The following ZFHX3 variants were observed in gnomAD, a reference collection of about 807,000 sequenced individuals.
ZFHX3 encodes zinc finger homeobox protein 3.
A neutral mutation model predicts 279.1 loss-of-function variants in ZFHX3; 42 were observed. That is an observed-to-expected ratio of 0.15 (90% CI 0.12 to 0.19). ZFHX3 has a LOEUF of 0.19. ZFHX3 is among the 10% of genes least tolerant of loss of function. The pLI, the probability that ZFHX3 is intolerant of heterozygous loss-of-function variation, is 1.00. For synonymous variants in ZFHX3, 2,293 were observed against 1,957.8 expected (o/e 1.17, Z -4.52); for missense variants, 4,981 against 4,754.0 (o/e 1.05, Z -1.40).
At chr16:73,549,162 A>G (rs929030019) in intron 2 of ZFHX3, among the ~76,000 whole-genome samples, 2 of 152,200 alleles carry the variant, frequency 1.3e-5, no homozygotes, top group African/African-American at 4.8e-5. Context: ...GGATCGTCTC[A>G]ATCTAATAGA....
intron 4 of ZFHX3, among the ~76,000 whole-genome samples, chr16:72,832,917 A>G (rs2143738754): frequency 6.6e-6 from 1 of 152,372 alleles, no homozygotes; most frequent in Admixed American, 6.5e-5. Context: ...ATCATCATCA[A>G]CAGCAAGAGG....
At chr16:73,832,528 G>A (rs1401989384) in intron 1 of ZFHX3, among the ~76,000 whole-genome samples, 3 of 152,008 alleles carry the variant, frequency 2.0e-5, no homozygotes, top group Non-Finnish European at 4.4e-5. Context: ...AGCAAGATAG[G>A]CCCTTTTTAA....
At chr16:73,810,579 C>G (rs577854257) in intron 1 of ZFHX3, among the ~76,000 whole-genome samples, 6 of 152,308 alleles carry the variant, frequency 3.9e-5, no homozygotes, top group African/African-American at 7.2e-5. Context: ...TTCACACATT[C>G]ATTATCTTAT....
intron 2 of ZFHX3, among the ~76,000 whole-genome samples, chr16:73,599,358 T>C (rs551629713): frequency 6.6e-6 from 1 of 152,278 alleles, no homozygotes; most frequent in Non-Finnish European, 1.5e-5. Flanking sequence ...GAAAAGTCAA[T>C]CTAAAACCAG....
intron 3 of ZFHX3, among the ~76,000 whole-genome samples, chr16:72,921,313 A>T (rs372783094): frequency 1.3e-5 from 2 of 152,190 alleles, no homozygotes; most frequent in African/African-American, 4.8e-5. Flanking sequence ...TGCTTCACAG[A>T]AATGTGATCG....
intron 3 of ZFHX3, among the ~76,000 whole-genome samples, chr16:73,364,709 T>C (rs1015871999): frequency 6.6e-6 from 1 of 152,176 alleles, no homozygotes; most frequent in East Asian, 1.9e-4. Flanking sequence ...CTGAGTTTTA[T>C]GGAGTCCATG....
intron 2 of ZFHX3, among the ~76,000 whole-genome samples, chr16:73,520,957 G>A (rs143785650): frequency 1.3e-5 from 2 of 152,170 alleles, no homozygotes; most frequent in Admixed American, 6.5e-5. Context: ...AAGTTAGAGG[G>A]ACCAGGAAAA....
chr16:73,723,158 G>A (rs1020565630), intron 1 of ZFHX3, among the ~76,000 whole-genome samples: 1 of 152,214 alleles, frequency 6.6e-6, no homozygotes, highest in South Asian at 2.1e-4. Flanking sequence ...CATTGGCCAC[G>A]GACTGATCTT....
Position 73,682,924 on chromosome 16 carries a change from G to GAGAA in ZFHX3, c.-1607-2688_-1607-2685dup, listed in dbSNP as rs764517017. 2.4e-3 allele frequency among the ~76,000 whole-genome samples: 105 copies of GAGAA among 43,462 alleles called. 1 individual carries two copies. The highest frequency in any genetic ancestry group is 0.013 in the Middle Eastern group (1 of 76). 28.5% of individuals were successfully genotyped at this position (43,462 alleles called of 152,430 possible). The stretch of plus-strand genomic sequence containing the variant: ...AAAGAAAGAGAAAGAAAGAGAGAAA[G>GAGAA]AGAAAGAAAGAAAGAAAGAAAGAAA... On this transcript the variant is annotated intron_variant, in intron 1 of 17. Coordinates refer to the ZFHX3 transcript ENST00000641206.
intron 3 of ZFHX3, among the ~76,000 whole-genome samples, chr16:72,933,820 T>TTTTTTTTTTTTTTTTTTTTTTTG (rs1959957486): frequency 9.0e-6 from 1 of 110,866 alleles, no homozygotes. Context: ...TTTCTTTTTT[T>TTTTTTTTTTTTTTTTTTTTTTTG]TTTTTTTTTT....
At position 72,849,722 on chromosome 16, in the gene ZFHX3, T is replaced by C. The variant is rs188721111; in HGVS notation, c.3449-19863A>G. 6.0e-4 allele frequency among the ~76,000 whole-genome samples: 91 copies of C among 152,078 alleles called. 1 individual carries two copies. In the South Asian group the frequency reaches 0.012, roughly 19 times the overall value. On this transcript the variant is annotated intron_variant, in intron 4 of 9. Transcript: ENST00000268489. ...TTGGCATATCAATTAATGCAATCAA[T>C]TCCTGGCCAACGGCTGCCATTCACT...
chr16:72,843,630 C>G (rs914799891), intron 4 of ZFHX3, among the ~76,000 whole-genome samples: 4 of 150,456 alleles, frequency 2.7e-5, no homozygotes, highest in Non-Finnish European at 5.9e-5. Flanking sequence ...GTGACGCTTA[C>G]ACAGTCAAAC....
intron 5 of ZFHX3, among the ~76,000 whole-genome samples, chr16:73,189,342 C>G (rs970489089): frequency 3.3e-5 from 5 of 152,192 alleles, no homozygotes; most frequent in Non-Finnish European, 7.3e-5. Context: ...GATCATTGTT[C>G]ACTGGGGTCG....
intron 1 of ZFHX3, among the ~76,000 whole-genome samples, chr16:72,993,091 G>A (rs1450342104): frequency 2.6e-5 from 4 of 152,196 alleles, no homozygotes; most frequent in East Asian, 1.9e-4. Context: ...AGCCGAGATC[G>A]CACCACTGCA....
chr16:73,276,092 T>A (rs542605116), intron 4 of ZFHX3, among the ~76,000 whole-genome samples: 1 of 152,118 alleles, frequency 6.6e-6, no homozygotes, highest in Admixed American at 6.5e-5. Flanking sequence ...TTGTGTAATA[T>A]GAATTCTCTG....
chr16:73,181,182 C>T (rs139523324), intron 5 of ZFHX3, among the ~76,000 whole-genome samples: 264 of 152,030 alleles, frequency 1.7e-3, no homozygotes, highest in Middle Eastern at 0.01. Context: ...CTCACTGCAA[C>T]CACCGACTCC....
intron 5 of ZFHX3, among the ~76,000 whole-genome samples, chr16:73,191,935 G>A (rs1968047598): frequency 6.6e-6 from 1 of 152,160 alleles, no homozygotes; most frequent in East Asian, 1.9e-4. Context: ...CCACAAAGAG[G>A]AATCTGACCC....
intron 1 of ZFHX3, among the ~76,000 whole-genome samples, chr16:72,977,441 C>A (rs1224414439): frequency 6.6e-6 from 1 of 152,120 alleles, no homozygotes; most frequent in Non-Finnish European, 1.5e-5. Context: ...ATGGGGAATG[C>A]TGCAGAGAGG....
chr16:73,001,612 A>G (rs532482412), intron 1 of ZFHX3, among the ~76,000 whole-genome samples: 28 of 152,190 alleles, frequency 1.8e-4, no homozygotes, highest in African/African-American at 6.7e-4. Context: ...CAGAGGTTCA[A>G]GACCAGCCTG....
Sources: gnomAD v4.1 joint callset for allele counts (sites outside exome capture counted in the v4.1 genomes callset) on GRCh38, gnomAD v4.1.1 for gene constraint, MANE v1.5 for transcripts, NCBI Gene and HGNC (gene_info 2026-07-23, HGNC 2026-07-21) for gene names.